SMYD3: variants seen among roughly 807,000 people sequenced by gnomAD.
SMYD3 encodes histone-lysine N-methyltransferase SMYD3.
A neutral mutation model predicts 57.7 loss-of-function variants in SMYD3; 36 were observed. The observed-to-expected ratio is 0.62, with a 90% confidence interval of 0.48 to 0.82. The LOEUF is 0.82. Among genes scored for constraint, SMYD3 ranks in the 40% least tolerant of loss-of-function variants. SMYD3 has a pLI of 0.00. For missense variants in SMYD3, 515 were observed against 538.8 expected (o/e 0.96, Z 0.44); for synonymous variants, 211 against 195.0 (o/e 1.08, Z -0.68).
At chr1:245,904,969 T>C (rs1558478774) in intron 8 of SMYD3, among the ~76,000 whole-genome samples, 1 of 151,650 alleles carries the variant, frequency 6.6e-6, no homozygotes, top group African/African-American at 2.4e-5. Context: ...AGCTCCCAGA[T>C]GACATTTCTA....
chr1:246,031,606 G>A (rs889446466), intron 5 of SMYD3, among the ~76,000 whole-genome samples: 5 of 151,920 alleles, frequency 3.3e-5, no homozygotes, highest in African/African-American at 9.7e-5. Context: ...GCGTGGTGGC[G>A]GGCGCCTGTA....
At chr1:245,887,263 C>T (rs946393064) in intron 8 of SMYD3, among the ~76,000 whole-genome samples, 1 of 152,178 alleles carries the variant, frequency 6.6e-6, no homozygotes, top group African/African-American at 2.4e-5. Flanking sequence ...TATACTCCCA[C>T]CAGCACCATG....
intron 5 of SMYD3, among the ~76,000 whole-genome samples, chr1:246,141,124 A>C (rs1359737369): frequency 6.6e-6 from 1 of 152,212 alleles, no homozygotes; most frequent in African/African-American, 2.4e-5. Flanking sequence ...AGGAAAACTC[A>C]GAACAATTCT....
chr1:245,982,722 C>T (rs2058623861), intron 5 of SMYD3, among the ~76,000 whole-genome samples: 1 of 152,144 alleles, frequency 6.6e-6, no homozygotes, highest in African/African-American at 2.4e-5. Flanking sequence ...ACAATATTAA[C>T]AAAATCTATT....
At chr1:246,339,210 C>T (rs185057736) in intron 2 of SMYD3, among the ~76,000 whole-genome samples, 2 of 152,220 alleles carry the variant, frequency 1.3e-5, no homozygotes. Context: ...CTTGAGTTAC[C>T]AATACAACAC....
At chr1:246,399,523 T>A (rs2066733595) in intron 1 of SMYD3, among the ~76,000 whole-genome samples, 1 of 152,118 alleles carries the variant, frequency 6.6e-6, no homozygotes, top group East Asian at 1.9e-4. Flanking sequence ...TTTTTACTTC[T>A]TTGTACTTTT....
chr1:245,751,572 A>AAGAGAGAGAG (rs2045365338), intron 11 of SMYD3, among the ~76,000 whole-genome samples: 4 of 103,188 alleles, frequency 3.9e-5, no homozygotes, highest in Non-Finnish European at 7.4e-5. Flanking sequence ...GACAGAGAGA[A>AAGAGAGAGAG]AGAGAAAGAG....
At chr1:246,165,883 G>A (rs185679176) in intron 5 of SMYD3, among the ~76,000 whole-genome samples, 1 of 151,974 alleles carries the variant, frequency 6.6e-6, no homozygotes, top group Admixed American at 6.6e-5. Context: ...TCTACATTAG[G>A]GTGAGAGGAG....
chr1:245,752,046 T>C (rs1325042645), intron 11 of SMYD3, among the ~76,000 whole-genome samples: 1 of 152,198 alleles, frequency 6.6e-6, no homozygotes, highest in African/African-American at 2.4e-5. Context: ...GCTCTGGACA[T>C]CTTGAGGTCT....
intron 5 of SMYD3, among the ~76,000 whole-genome samples, chr1:246,009,975 C>T: frequency 7.4e-6 from 1 of 135,918 alleles, no homozygotes; most frequent in Non-Finnish European, 1.6e-5. Flanking sequence ...CTACCATGCC[C>T]AGCTAATAGG....
intron 5 of SMYD3, among the ~76,000 whole-genome samples, chr1:246,061,652 C>T (rs1170923183): frequency 6.6e-6 from 1 of 152,030 alleles, no homozygotes; most frequent in Non-Finnish European, 1.5e-5. Context: ...ATCGCTTGAG[C>T]GAGGCTGAGG....
intron 1 of SMYD3, among the ~76,000 whole-genome samples, chr1:246,491,120 GAGTA>G (rs2068262998): frequency 6.6e-6 from 1 of 152,234 alleles, no homozygotes. Flanking sequence ...ACCAAAGTGA[GAGTA>G]AGTATGACCG....
At chr1:245,922,900 A>C (rs2056081808) in intron 7 of SMYD3, among the ~76,000 whole-genome samples, 1 of 152,230 alleles carries the variant, frequency 6.6e-6, no homozygotes, top group African/African-American at 2.4e-5. Context: ...TAAGATTCCA[A>C]AGATGGTACA....
At chr1:246,406,511 T>C (rs768098657) in intron 1 of SMYD3, among the ~76,000 whole-genome samples, 1 of 152,198 alleles carries the variant, frequency 6.6e-6, no homozygotes, top group Non-Finnish European at 1.5e-5. Context: ...TAATTTCCTT[T>C]CTCACCTTTA....
At chr1:245,827,871 T>C (rs2148368842) in intron 10 of SMYD3, among the ~76,000 whole-genome samples, 1 of 152,306 alleles carries the variant, frequency 6.6e-6, no homozygotes, top group East Asian at 1.9e-4. Context: ...CAGAACCCAG[T>C]CTTCTGTCTT....
chr1:245,902,936 G>A (rs184766510), intron 8 of SMYD3, among the ~76,000 whole-genome samples: 26 of 152,132 alleles, frequency 1.7e-4, no homozygotes, highest in South Asian at 4.1e-4. Flanking sequence ...CGAGAAATGC[G>A]AAAAAGAAAA....
chr1:246,335,226 G>A (rs1265078625), intron 3 of SMYD3, 141 bp downstream of exon 3: 3 of 719,536 alleles, frequency 4.2e-6, no homozygotes, highest in Non-Finnish European at 6.8e-6. Flanking sequence ...AAAAATTTGT[G>A]AGACTCATTT....
At chr1:245,792,064 T>A (rs1051391920) in intron 10 of SMYD3, among the ~76,000 whole-genome samples, 24 of 152,116 alleles carry the variant, frequency 1.6e-4, no homozygotes, top group Admixed American at 1.0e-3. Flanking sequence ...CTCAAATATA[T>A]ATGAAAGAGT....
At chr1:246,232,067 G>C (rs1007457093) in intron 5 of SMYD3, among the ~76,000 whole-genome samples, 1 of 152,088 alleles carries the variant, frequency 6.6e-6, no homozygotes, top group African/African-American at 2.4e-5. Context: ...TAACTTAAAA[G>C]CCATAGTTTT....
Sources: allele counts gnomAD v4.1 joint callset (sites outside exome capture counted in the v4.1 genomes callset), GRCh38; gene constraint gnomAD v4.1.1; transcripts MANE v1.5; gene names NCBI Gene and HGNC (gene_info 2026-07-23, HGNC 2026-07-21).